PTPRD: variants seen among roughly 807,000 people sequenced by gnomAD.
PTPRD encodes the protein protein tyrosine phosphatase receptor type D.
Under a neutral mutation model 214.5 loss-of-function variants are expected in PTPRD, and 34 were observed. The observed-to-expected ratio is 0.16, with a 90% confidence interval of 0.12 to 0.21. PTPRD has a LOEUF of 0.21. Among genes scored for constraint, PTPRD ranks in the 10% least tolerant of loss-of-function variants. PTPRD has a pLI of 1.00. For synonymous variants in PTPRD, 1,128 were observed against 845.7 expected (o/e 1.33, Z -5.79); for missense variants, 2,545 against 2,398.7 (o/e 1.06, Z -1.27).
intron 4 of PTPRD, among the ~76,000 whole-genome samples, chr9:9,959,412 A>G (rs1055439562): frequency 1.3e-5 from 2 of 152,180 alleles, no homozygotes; most frequent in African/African-American, 4.8e-5. Context: ...TTTTACTGAT[A>G]TTGTAATGGT....
At chr9:9,595,727 A>G (rs1181789552) in intron 7 of PTPRD, among the ~76,000 whole-genome samples, 2 of 151,872 alleles carry the variant, frequency 1.3e-5, no homozygotes, top group Non-Finnish European at 2.9e-5. Context: ...CTCACTCATA[A>G]GTGGAAGCTA....
At chr9:10,092,180 T>C (rs1459487013) in intron 3 of PTPRD, among the ~76,000 whole-genome samples, 1 of 151,462 alleles carries the variant, frequency 6.6e-6, no homozygotes, top group Non-Finnish European at 1.5e-5. Context: ...CTCATGTAAA[T>C]ATTGACCTAA....
intron 2 of PTPRD, among the ~76,000 whole-genome samples, chr9:10,466,513 C>T (rs1255391789): frequency 3.3e-5 from 5 of 150,644 alleles, no homozygotes; most frequent in African/African-American, 9.8e-5. Flanking sequence ...ATCCCAGCTA[C>T]TCGGGAGGCT....
chr9:10,524,328 A>G (rs987547090), intron 2 of PTPRD, among the ~76,000 whole-genome samples: 1 of 152,200 alleles, frequency 6.6e-6, no homozygotes, highest in East Asian at 1.9e-4. Flanking sequence ...TTCTAAATTT[A>G]AAGTCATTGT....
At chr9:10,567,801 G>A (rs1386827941) in intron 2 of PTPRD, among the ~76,000 whole-genome samples, 2 of 151,526 alleles carry the variant, frequency 1.3e-5, no homozygotes, top group African/African-American at 2.4e-5. Flanking sequence ...AATTATGTAT[G>A]TATATAGTTT....
intron 11 of PTPRD, among the ~76,000 whole-genome samples, chr9:8,782,888 G>A (rs74521845): frequency 4.7e-4 from 71 of 152,170 alleles, no homozygotes; most frequent in Middle Eastern, 3.4e-3. Context: ...GAGCCACCAC[G>A]CCTGGCCTAC....
chr9:8,359,003 G>T (rs2077676446), intron 39 of PTPRD, among the ~76,000 whole-genome samples: 1 of 148,162 alleles, frequency 6.7e-6, no homozygotes, highest in Non-Finnish European at 1.5e-5. Context: ...AGCTACTCGG[G>T]AGGCTGAGGC....
chr9:8,791,517 C>A (rs887015542), intron 11 of PTPRD, among the ~76,000 whole-genome samples: 1 of 145,714 alleles, frequency 6.9e-6, no homozygotes, highest in Admixed American at 7.1e-5. Context: ...AGCCACCATG[C>A]CCAGACTTTT....
intron 12 of PTPRD, among the ~76,000 whole-genome samples, chr9:8,681,652 G>C (rs1309588619): frequency 3.3e-5 from 5 of 152,180 alleles, no homozygotes; most frequent in African/African-American, 1.2e-4. Flanking sequence ...AAAGCCGCCA[G>C]CCCTGAACGA....
At chr9:9,415,772 T>C (rs2076815431) in intron 8 of PTPRD, among the ~76,000 whole-genome samples, 1 of 152,284 alleles carries the variant, frequency 6.6e-6, no homozygotes, top group Admixed American at 6.5e-5. Context: ...GATATGAGTA[T>C]TTCAGTAGTG....
chr9:10,245,380 C>G (rs543917480), intron 3 of PTPRD, among the ~76,000 whole-genome samples: 1 of 152,230 alleles, frequency 6.6e-6, no homozygotes, highest in Admixed American at 6.5e-5. Context: ...TATTTAATCA[C>G]ACCATTTTAT....
rs968857644 is a variant in PTPRD, at chr9:9,710,072, T to C, written c.-287+24461A>G. ...TAAAAAAAAAAATAGAATAGGTCTCTGCCATTCTTACCATGAATGCCATTT... is the reference window on the plus strand; with the variant it reads ...TAAAAAAAAAAATAGAATAGGTCTCCGCCATTCTTACCATGAATGCCATTT... On this transcript the variant is annotated intron_variant, in intron 7 of 45. Coordinates refer to ENST00000381196, the MANE Select transcript of PTPRD (RefSeq NM_002839.4). 2.6e-5 allele frequency among the ~76,000 whole-genome samples: 4 copies of C among 152,238 alleles called. No homozygotes were observed. The East Asian group carries it at 7.7e-4, about 29-fold the overall frequency.
chr9:10,123,750 T>C (rs1449930340), intron 3 of PTPRD, among the ~76,000 whole-genome samples: 3 of 152,210 alleles, frequency 2.0e-5, no homozygotes, highest in Non-Finnish European at 4.4e-5. Context: ...TTCCCCAAAC[T>C]GATGCTCATG....
At chr9:9,389,619 C>G (rs765141993) in intron 9 of PTPRD, among the ~76,000 whole-genome samples, 2 of 152,104 alleles carry the variant, frequency 1.3e-5, no homozygotes, top group Non-Finnish European at 2.9e-5. Flanking sequence ...ATATACCAAC[C>G]ATTGAGAAGC....
chr9:9,176,922 C>G (rs900974856), intron 10 of PTPRD, among the ~76,000 whole-genome samples: 32 of 152,110 alleles, frequency 2.1e-4, no homozygotes, highest in African/African-American at 7.7e-4. Context: ...GAATTCAGTT[C>G]TAGATGGTTA....
chr9:9,796,823 G>T (rs554156255), intron 5 of PTPRD, among the ~76,000 whole-genome samples: 1 of 152,178 alleles, frequency 6.6e-6, no homozygotes, highest in Non-Finnish European at 1.5e-5. Context: ...ACTTTATTGA[G>T]GTATGATTTG....
At chr9:8,984,766 G>C (rs975400522) in intron 11 of PTPRD, among the ~76,000 whole-genome samples, 1 of 151,964 alleles carries the variant, frequency 6.6e-6, no homozygotes, top group East Asian at 1.9e-4. Context: ...GTGCCACTTG[G>C]GAAATTTATC....
At chr9:10,148,168 G>A (rs947591287) in intron 3 of PTPRD, among the ~76,000 whole-genome samples, 2 of 152,144 alleles carry the variant, frequency 1.3e-5, no homozygotes, top group Non-Finnish European at 2.9e-5. Context: ...CAAAGAAATC[G>A]GTGGAGTTGC....
At chr9:9,716,108 G>GA (rs2097823354) in intron 7 of PTPRD, among the ~76,000 whole-genome samples, 1 of 151,828 alleles carries the variant, frequency 6.6e-6, no homozygotes, top group African/African-American at 2.4e-5. Context: ...GCGGTGTTTG[G>GA]TTTTTTGTTC....
Sources: allele counts gnomAD v4.1 joint callset (sites outside exome capture counted in the v4.1 genomes callset), GRCh38; gene constraint gnomAD v4.1.1; transcripts MANE v1.5; gene names NCBI Gene and HGNC (gene_info 2026-07-23, HGNC 2026-07-21).